Variants in CHST11 observed in about 807,000 individuals in gnomAD.
CHST11 encodes the protein carbohydrate sulfotransferase 11, also known as C4S-1.
Under a neutral mutation model 30.4 loss-of-function variants are expected in CHST11, and 9 were observed. The observed-to-expected ratio is 0.30, with a 90% confidence interval of 0.18 to 0.52. CHST11 has a LOEUF of 0.52. Among genes scored for constraint, CHST11 ranks in the 20% least tolerant of loss-of-function variants. The pLI is 0.97. For missense variants in CHST11, 348 were observed against 460.6 expected, an observed-to-expected ratio of 0.76 and a Z score of 2.24; for synonymous variants, 152 against 187.8, an observed-to-expected ratio of 0.81 and a Z score of 1.56.
chr12:104,717,593 G>A (rs1407054886), intron 2 of CHST11, among the ~76,000 whole-genome samples: 2 of 152,096 alleles, frequency 1.3e-5, no homozygotes, highest in African/African-American at 4.8e-5. Flanking sequence ...CAAATATAGT[G>A]AAACCCCGTC....
At chr12:104,481,004 GCTT>G (rs1442924596) in intron 1 of CHST11, among the ~76,000 whole-genome samples, 1 of 152,180 alleles carries the variant, frequency 6.6e-6, no homozygotes, top group African/African-American at 2.4e-5. Context: ...AGGGGATGTG[GCTT>G]CTTAGCTTCA....
At chr12:104,574,865 AAAGAAAAAAAG>A (rs1182380415) in intron 1 of CHST11, among the ~76,000 whole-genome samples, 12 of 151,690 alleles carry the variant, frequency 7.9e-5, no homozygotes, top group South Asian at 2.1e-4. Flanking sequence ...AATTAAAAAA[AAAGAAAAAAAG>A]AAAGAAAAAG....
intron 2 of CHST11, among the ~76,000 whole-genome samples, chr12:104,627,166 T>C (rs949226405): frequency 6.6e-6 from 1 of 152,236 alleles, no homozygotes; most frequent in Non-Finnish European, 1.5e-5. Context: ...TTTGCATGGC[T>C]TGATGGCTCG....
chr12:104,505,085 A>G (rs1390291960), intron 1 of CHST11, among the ~76,000 whole-genome samples: 2 of 152,028 alleles, frequency 1.3e-5, no homozygotes, highest in Non-Finnish European at 2.9e-5. Flanking sequence ...GCTTACAGAC[A>G]CCTATTAGAC....
At chr12:104,507,535 A>G (rs532542320) in intron 1 of CHST11, among the ~76,000 whole-genome samples, 3 of 152,294 alleles carry the variant, frequency 2.0e-5, no homozygotes, top group Non-Finnish European at 4.4e-5. Flanking sequence ...AATGGTGGCA[A>G]TAGTACTCAT....
intron 2 of CHST11, among the ~76,000 whole-genome samples, chr12:104,614,435 C>G (rs2039088234): frequency 6.6e-6 from 1 of 152,120 alleles, no homozygotes; most frequent in Non-Finnish European, 1.5e-5. Flanking sequence ...TTCCAGCTGA[C>G]TCGGGAGGCT....
At chr12:104,627,949 CT>C (rs2039233783) in intron 2 of CHST11, among the ~76,000 whole-genome samples, 1 of 152,182 alleles carries the variant, frequency 6.6e-6, no homozygotes, top group African/African-American at 2.4e-5. Flanking sequence ...ATCATCACAA[CT>C]CTTTAAGGCA....
In CHST11 at chr12:104,710,599, C is replaced by T. The variant is rs558336984; in HGVS notation, c.205-46350C>T. Among the ~76,000 whole-genome samples the T allele has an allele frequency of 1.4e-4, 22 of 152,242 alleles. No homozygotes were observed. In the Middle Eastern group the frequency reaches 0.017, roughly 118 times the overall value. On this transcript the variant is annotated intron_variant, in intron 2 of 2. Coordinates refer to ENST00000303694, the MANE Select transcript of CHST11 (RefSeq NM_018413.6). ...CACAAGAAGCTACATTCATCTTCTT[C>T]CTGGAAGGTCTGGGAGGGCCAGCTG...
At position 104,714,116 on chromosome 12, in the gene CHST11, A is replaced by G. The variant is rs1258394370; in HGVS notation, c.205-42833A>G. Among the ~76,000 whole-genome samples, 11 of 152,350 alleles carry G rather than the reference A, an allele frequency of 7.2e-5. No individual in the cohort carries two copies. The East Asian group carries it at 2.1e-3, about 29-fold the overall frequency. On this transcript the variant is annotated intron_variant, in intron 2 of 2. Coordinates refer to ENST00000303694, the MANE Select transcript of CHST11 (RefSeq NM_018413.6). ...GTCCAGTATGGTGGGTTGTACAAGC[A>G]CATGGATGTTTATATATGTATCTCA...
At chr12:104,511,312 T>C (rs1592738380) in intron 1 of CHST11, among the ~76,000 whole-genome samples, 2 of 152,238 alleles carry the variant, frequency 1.3e-5, no homozygotes, top group Non-Finnish European at 2.9e-5. Flanking sequence ...GGAAATTATG[T>C]TTCCCACTTG....
intron 2 of CHST11, among the ~76,000 whole-genome samples, chr12:104,625,560 C>T (rs2039206483): frequency 6.6e-6 from 1 of 152,234 alleles, no homozygotes; most frequent in South Asian, 2.1e-4. Flanking sequence ...CCGCCTTGGC[C>T]TCCCAAAGTG....
At chr12:104,464,067 C>CTTT (rs35504512) in intron 1 of CHST11, among the ~76,000 whole-genome samples, 8 of 134,996 alleles carry the variant, frequency 5.9e-5, no homozygotes, top group East Asian at 2.1e-4. Context: ...CCTACTTGCA[C>CTTT]TTTTTTTTTT....
At chr12:104,526,994 C>G (rs987374437) in intron 1 of CHST11, among the ~76,000 whole-genome samples, 1 of 152,210 alleles carries the variant, frequency 6.6e-6, no homozygotes, top group Non-Finnish European at 1.5e-5. Context: ...AAATTCCATT[C>G]TCCTCAGCAC....
intron 1 of CHST11, chr12:104,553,558 A>G: frequency 7.2e-6 from 1 of 138,586 alleles, no homozygotes; most frequent in East Asian, 2.4e-4. Flanking sequence ...AAATCTTCAC[A>G]TGGTGTCAGC....
At chr12:104,574,004 G>C (rs1047635619) in intron 1 of CHST11, among the ~76,000 whole-genome samples, 6 of 151,924 alleles carry the variant, frequency 3.9e-5, no homozygotes, top group African/African-American at 1.5e-4. Context: ...GAACTCAAAC[G>C]AATTTACAAG....
intron 2 of CHST11, among the ~76,000 whole-genome samples, chr12:104,712,921 T>G (rs1457915026): frequency 6.6e-6 from 1 of 152,070 alleles, no homozygotes; most frequent in Non-Finnish European, 1.5e-5. Flanking sequence ...GATTGTTATT[T>G]TAGGAGACAA....
intron 1 of CHST11, among the ~76,000 whole-genome samples, chr12:104,490,308 G>A (rs750310219): frequency 2.6e-5 from 4 of 152,192 alleles, no homozygotes; most frequent in Non-Finnish European, 5.9e-5. Flanking sequence ...GATGGCAGAC[G>A]TGCTATTAGG....
intron 1 of CHST11, among the ~76,000 whole-genome samples, chr12:104,547,850 T>C (rs2038366180): frequency 6.6e-6 from 1 of 152,138 alleles, no homozygotes; most frequent in South Asian, 2.1e-4. Flanking sequence ...AAAAAAGGAC[T>C]TTTGCCCCTG....
intron 1 of CHST11, among the ~76,000 whole-genome samples, chr12:104,478,642 G>C (rs1389714913): frequency 2.6e-5 from 4 of 152,216 alleles, no homozygotes; most frequent in Non-Finnish European, 5.9e-5. Flanking sequence ...CCTGTTAACA[G>C]CTGAGTATTC....
Sources: allele counts gnomAD v4.1 joint callset (sites outside exome capture counted in the v4.1 genomes callset), GRCh38; gene constraint gnomAD v4.1.1; transcripts MANE v1.5; gene names NCBI Gene and HGNC (gene_info 2026-07-23, HGNC 2026-07-21).